The following CYRIB variants were observed in gnomAD, a reference collection of about 807,000 sequenced individuals.
CYRIB encodes CYFIP-related Rac1 interactor B.
Under a neutral mutation model 44.2 loss-of-function variants are expected in CYRIB, and 8 were observed. The observed-to-expected ratio is 0.18, with a 90% CI of 0.11 to 0.33. CYRIB has a LOEUF of 0.33. CYRIB is among the 10% of genes least tolerant of loss of function. The pLI is 1.00. For missense variants in CYRIB, 185 were observed against 382.8 expected, an observed-to-expected ratio of 0.48 and a Z score of 4.31; for synonymous variants, 131 against 127.2, an observed-to-expected ratio of 1.03 and a Z score of -0.20.
chr8:129,906,714 G>T (rs1281556722), intron 1 of CYRIB, among the ~76,000 whole-genome samples: 3 of 152,100 alleles, frequency 2.0e-5, no homozygotes, highest in Non-Finnish European at 4.4e-5. Context: ...CTGACAAAGG[G>T]CTAATATCCA....
intron 1 of CYRIB, among the ~76,000 whole-genome samples, chr8:130,014,367 T>A (rs764392816): frequency 1.3e-5 from 2 of 152,124 alleles, no homozygotes; most frequent in Non-Finnish European, 2.9e-5. Flanking sequence ...GAGGTCAAGG[T>A]TGCAGTAAGA....
At chr8:129,906,020 T>C (rs1200003258) in intron 1 of CYRIB, among the ~76,000 whole-genome samples, 2 of 152,172 alleles carry the variant, frequency 1.3e-5, no homozygotes, top group East Asian at 1.9e-4. Context: ...AAAATGGCCA[T>C]ACTGCCCAAG....
chr8:129,870,825 T>C (rs1403431959), intron 4 of CYRIB, among the ~76,000 whole-genome samples: 1 of 151,906 alleles, frequency 6.6e-6, no homozygotes, highest in African/African-American at 2.4e-5. Flanking sequence ...AGAAAAAAGA[T>C]AGAAGATTTA....
At chr8:129,859,152 A>G (rs1046652461) in intron 5 of CYRIB, among the ~76,000 whole-genome samples, 2 of 152,190 alleles carry the variant, frequency 1.3e-5, no homozygotes, top group African/African-American at 4.8e-5. Context: ...GGAAGGCCAC[A>G]TGGGTCACAT....
At chr8:129,909,090 C>A (rs965937840) in intron 1 of CYRIB, among the ~76,000 whole-genome samples, 11 of 152,060 alleles carry the variant, frequency 7.2e-5, no homozygotes, top group African/African-American at 2.7e-4. Context: ...CCATGCCTGA[C>A]CAAGAAATTC....
chr8:129,908,411 A>C (rs549473737), intron 1 of CYRIB, among the ~76,000 whole-genome samples: 2 of 152,300 alleles, frequency 1.3e-5, no homozygotes, highest in African/African-American at 4.8e-5. Context: ...CTGGTTCTGA[A>C]ATCAGGCTTG....
chr8:129,903,713 G>T (rs2073642924), intron 1 of CYRIB, among the ~76,000 whole-genome samples: 1 of 152,048 alleles, frequency 6.6e-6, no homozygotes, highest in East Asian at 1.9e-4. Context: ...TTACAGCAGG[G>T]GCCTAAAACT....
chr8:129,988,844 G>T (rs1432854217), intron 1 of CYRIB, among the ~76,000 whole-genome samples: 1 of 151,830 alleles, frequency 6.6e-6, no homozygotes. Flanking sequence ...GAGCCCTAAG[G>T]AAAAAATCTA....
chr8:129,934,487 C>T (rs531690759), intron 1 of CYRIB, among the ~76,000 whole-genome samples: 12 of 152,172 alleles, frequency 7.9e-5, no homozygotes, highest in Admixed American at 4.6e-4. Context: ...TGTCATATTG[C>T]GGCAGGCCAG....
At chr8:129,855,470 C>A in intron 6 of CYRIB, 141 bp downstream of exon 8, 3 of 784,644 alleles carry the variant, frequency 3.8e-6, no homozygotes, top group Non-Finnish European at 3.9e-6. Context: ...TCATTAATTT[C>A]TAAATCCAGC....
intron 5 of CYRIB, among the ~76,000 whole-genome samples, chr8:129,856,462 A>G (rs998265280): frequency 1.3e-5 from 2 of 152,178 alleles, no homozygotes; most frequent in Non-Finnish European, 1.5e-5. Flanking sequence ...TTTCATTTCA[A>G]TATTTCAAAA....
intron 2 of CYRIB, among the ~76,000 whole-genome samples, chr8:129,884,222 T>C (rs981758745): frequency 6.6e-6 from 1 of 152,170 alleles, no homozygotes; most frequent in African/African-American, 2.4e-5. Flanking sequence ...TTCTGCCATC[T>C]AAAGGAGACT....
chr8:129,988,155 G>A (rs1310655071), intron 1 of CYRIB, among the ~76,000 whole-genome samples: 1 of 152,202 alleles, frequency 6.6e-6, no homozygotes, highest in Non-Finnish European at 1.5e-5. Context: ...TCCTGTAACA[G>A]GAAGTCTCCT....
At chr8:129,886,324 C>T (rs2062740701) in intron 2 of CYRIB, among the ~76,000 whole-genome samples, 3 of 152,218 alleles carry the variant, frequency 2.0e-5, no homozygotes, top group Admixed American at 6.5e-5. Flanking sequence ...TTATCACCCA[C>T]GCCTTCCTGA....
At chr8:129,873,842 A>G (rs181060283) in intron 3 of CYRIB, among the ~76,000 whole-genome samples, 28 of 152,168 alleles carry the variant, frequency 1.8e-4, no homozygotes, top group Admixed American at 1.6e-3. Context: ...AGAAGATTTA[A>G]GTTTCCCTTT....
intron 3 of CYRIB, among the ~76,000 whole-genome samples, chr8:129,875,269 C>CT (rs879701258): frequency 1.7e-3 from 243 of 139,268 alleles, no homozygotes; most frequent in Middle Eastern, 3.6e-3. Context: ...CCATTCAGTG[C>CT]TTTTTTTTTT....
intron 11 of CYRIB, among the ~76,000 whole-genome samples, chr8:129,844,944 T>A (rs1048669208): frequency 1.3e-5 from 2 of 152,224 alleles, no homozygotes; most frequent in African/African-American, 4.8e-5. Flanking sequence ...AAGTCAGACC[T>A]GATTTTGTTG....
chr8:129,847,028 A>G (rs2040450754), intron 10 of CYRIB, 154 bp from the exon 13 acceptor site: 2 of 518,402 alleles, frequency 3.9e-6, no homozygotes, highest in Admixed American at 8.0e-5. Context: ...AAAAAACCCA[A>G]CCTAAGAGTT....
chr8:129,930,089 T>C (rs182997687), intron 1 of CYRIB, among the ~76,000 whole-genome samples: 45 of 151,844 alleles, frequency 3.0e-4, no homozygotes, highest in African/African-American at 1.1e-3. Flanking sequence ...CGCATGCCTG[T>C]AATCCCAGCT....
Sources: allele counts gnomAD v4.1 joint callset (sites outside exome capture counted in the v4.1 genomes callset), GRCh38; gene constraint gnomAD v4.1.1; transcripts MANE v1.5; gene names NCBI Gene and HGNC (gene_info 2026-07-23, HGNC 2026-07-21).